DENND1C: variants seen among roughly 807,000 people sequenced by gnomAD.
DENND1C encodes DENN domain containing 1C.
In DENND1C, 64 loss-of-function variants were observed where a neutral mutation model predicts 87.9. That is an observed-to-expected ratio of 0.73 (90% confidence interval 0.60 to 0.90). The LOEUF (loss-of-function observed/expected upper bound fraction) is 0.90, where lower values mean the gene tolerates loss of function less well. DENND1C is among the 40% of genes least tolerant of loss of function. The pLI, the probability that DENND1C is intolerant of heterozygous loss-of-function variation, is 0.00. For synonymous variants in DENND1C, 384 were observed against 424.4 expected, an observed-to-expected ratio of 0.90 and a Z score of 1.17; for missense variants, 980 against 1,037.0, an observed-to-expected ratio of 0.95 and a Z score of 0.76.
chr19:6,476,799 G>GC lies in DENND1C; in HGVS notation c.678+57dup, dbSNP rs533758446. 3.4e-4 allele frequency: 525 copies of GC among 1,530,206 alleles called. 10 individuals carry two copies. The East Asian group carries it at 8.1e-3, about 24-fold the overall frequency. The allele number at this position is 1,530,206 out of a possible 1,614,324, so 94.8% of individuals were successfully genotyped here. A position where few individuals can be genotyped will look rare whatever the true frequency, so the allele number is the denominator to read the frequency against. On this transcript the variant is annotated intron_variant, in intron 10 of 22. Transcript: ENST00000381480. ...AGCCAGGAATCAGCCCCCTTGTCCC[G>GC]CCCCCCGGGGCGGAGCCAGGCCCTG... is the stretch of plus-strand genomic sequence containing the variant.
At position 6,468,586 on chromosome 19, in the gene DENND1C, TG is replaced by T. The variant is rs1344292198; in HGVS notation, c.1574del (p.Pro525GlnfsTer8). The T allele has an allele frequency of 3.3e-6, 5 of 1,533,860 alleles. No individual in the cohort carries two copies. The highest frequency in any genetic ancestry group is 2.1e-5 in the Admixed American group (1 of 47,488). On this transcript the variant is annotated frameshift_variant, in exon 21 of 23. Coordinates refer to ENST00000381480, the MANE Select transcript of DENND1C (RefSeq NM_024898.4). LOFTEE classifies it high-confidence loss of function. ...TTCCCTTTTTGCCTTACCCCGCCCC[TG>T]GGGGCTCGGAAGTTCCCTCTTCCAG... ...RQLEEGTSEP[P>X]GAGTPPLSPE...
rs1568391840 is a variant in DENND1C, at chr19:6,468,221, G to A, written c.1791+13C>T. 1 of 1,613,026 alleles carries A rather than the reference G, an allele frequency of 6.2e-7. No homozygotes were observed. Among genetic ancestry groups the A allele is most frequent in the Non-Finnish European group, 8.5e-7 (1 of 1,179,450 alleles). On this transcript the variant is annotated intron_variant, in intron 22 of 22. Transcript: ENST00000381480. Reference sequence around the variant, plus strand: ...ACTTGGGGTAGGGTTGGGGGAGTGGGCGAGGCTCTCACCAGGCTGAAGCAG... The same window carrying A: ...ACTTGGGGTAGGGTTGGGGGAGTGGACGAGGCTCTCACCAGGCTGAAGCAG...
chr19:6,474,199 GAAAAAAA>G (rs74173088), intron 14 of DENND1C, among the ~76,000 whole-genome samples: 1 of 140,484 alleles, frequency 7.1e-6, no homozygotes, highest in South Asian at 2.3e-4. Flanking sequence ...TGTCTCAAGA[GAAAAAAA>G]AAAAAAAAAG....
intron 17 of DENND1C, among the ~76,000 whole-genome samples, chr19:6,470,907 C>T (rs1365961204): frequency 6.6e-6 from 1 of 152,026 alleles, no homozygotes; most frequent in African/African-American, 2.4e-5. Flanking sequence ...ATTCGCCTGC[C>T]TCAGCCTCCC....
At chr19:6,479,124 A>G (rs552248441) in intron 4 of DENND1C, 68 bp from the exon 5 acceptor site, 17 of 1,599,852 alleles carry the variant, frequency 1.1e-5, no homozygotes, top group East Asian at 2.2e-5. Flanking sequence ...CCGCTCCCCA[A>G]CAAAGCTCCT....
In DENND1C at chr19:6,471,270, G is replaced by C. The variant is rs139694124; in HGVS notation, c.1285C>G (p.Leu429Val). 1.3e-6 allele frequency: 2 copies of C among 1,590,314 alleles called. No homozygotes were observed. Among genetic ancestry groups the C allele is most frequent in the Non-Finnish European group, 1.7e-6 (2 of 1,168,124 alleles). The change falls in exon 17 of 23, where the codon CTA becomes GTA. Residue 429 changes from leucine to valine, a missense_variant. Leu to Val is a conservative substitution (Grantham distance 32, BLOSUM62 1). Transcript: ENST00000381480. ...TATTGTTCTGGTGGTCTTACCTTTA[G>C]ATTGTCGGCCCAGAGCTGATAGGAT... Reference protein sequence around the residue: ...LRSYQLWADNLKKGGGALLHS... With the variant: ...LRSYQLWADNVKKGGGALLHS...
intron 17 of DENND1C, among the ~76,000 whole-genome samples, chr19:6,470,624 T>G (rs573325569): frequency 6.9e-6 from 1 of 145,622 alleles, no homozygotes; most frequent in African/African-American, 2.5e-5. Flanking sequence ...TTTTTTGTTT[T>G]TTTTTTTTTT....
At chr19:6,472,540 G>A (rs540389764) in intron 15 of DENND1C, among the ~76,000 whole-genome samples, 8 of 152,244 alleles carry the variant, frequency 5.3e-5, no homozygotes, top group African/African-American at 1.7e-4. Context: ...ATAGGCGCAC[G>A]CCACCACGCC....
intron 1 of DENND1C, among the ~76,000 whole-genome samples, chr19:6,481,463 T>G (rs1488795438): frequency 2.0e-5 from 3 of 147,972 alleles, no homozygotes; most frequent in Non-Finnish European, 3.0e-5. Context: ...AGGAGCTGGA[T>G]AGAGAGAGAG....
rs753588743 is a variant in DENND1C at position 6,475,065 on chromosome 19, C to CA, written c.1053+208dup. Among the ~76,000 whole-genome samples, 35 of 149,106 alleles carry CA rather than the reference C, an allele frequency of 2.3e-4. No individual in the cohort carries two copies. In the South Asian group the frequency reaches 4.7e-3, roughly 20 times the overall value. Reference sequence around the variant, plus strand: ...ACAAACAAACAAACAAACAAACAAACAACAACAACAACAAACGGGAGGGGT... The same window carrying CA: ...ACAAACAAACAAACAAACAAACAAACAAACAACAACAACAAACGGGAGGGGT... On this transcript the variant is annotated intron_variant, in intron 14 of 22. Transcript: ENST00000381480.
intron 6 of DENND1C, 92 bp downstream of exon 6, chr19:6,478,691 C>T: frequency 7.0e-7 from 1 of 1,434,576 alleles, no homozygotes; most frequent in Non-Finnish European, 9.6e-7. Flanking sequence ...GTGTGCCCTG[C>T]CAAGCCTGGG....
chr19:6,473,494 A>C (rs1599382902), intron 14 of DENND1C, among the ~76,000 whole-genome samples: 1 of 128,148 alleles, frequency 7.8e-6, no homozygotes, highest in Non-Finnish European at 1.6e-5. Context: ...TTTTTGAGTC[A>C]GGGTCTCACT....
chr19:6,473,020 TC>T (rs2092837975), intron 14 of DENND1C, 27 bp from the exon 15 acceptor site: 1 of 1,449,296 alleles, frequency 6.9e-7, no homozygotes, highest in Non-Finnish European at 9.2e-7. Flanking sequence ...AGTTCTGAGC[TC>T]CCTGGGGTGC....
chr19:6,471,553 T>C, intron 15 of DENND1C, 57 bp from the exon 16 acceptor site: 1 of 1,449,940 alleles, frequency 6.9e-7, no homozygotes. Flanking sequence ...ATGCCAGCAC[T>C]TCGAAGCCTG....
chr19:6,467,659 G>A lies in DENND1C; in HGVS notation c.2251C>T (p.Pro751Ser), dbSNP rs760319460. Residue 751 changes from proline (P) to serine (S), a missense_variant, in exon 23 of 23, where the codon CCT becomes TCT. Transcript: ENST00000381480. ...PSSLEDPRARPPKALLAERAH... is the reference protein window; with the variant it reads ...PSSLEDPRARSPKALLAERAH... The stretch of plus-strand genomic sequence containing the variant: ...CGCTCTGCCAGCAGGGCTTTGGGAG[G>A]CCGGGCTCTGGGGTCCTCCAGAGAA... 2.0e-5 allele frequency: 31 copies of A among 1,533,558 alleles called. No individual in the cohort carries two copies. Among genetic ancestry groups the A allele is most frequent in the Admixed American group, 4.3e-5 (2 of 46,296 alleles). The allele number at this position is 1,533,558 out of a possible 1,614,324, so 95.0% of individuals were successfully genotyped here.
At chr19:6,477,628 T>TAATAATAATAATAATAAG in intron 6 of DENND1C, 170 bp from the exon 7 acceptor site, 1 of 224,540 alleles carries the variant, frequency 4.5e-6, no homozygotes, top group Non-Finnish European at 8.4e-6. Flanking sequence ...ATAATAATAA[T>TAATAATAATAATAATAAG]AATAGAGACA....
intron 2 of DENND1C, 30 bp downstream of exon 2, chr19:6,479,957 C>G: frequency 6.3e-7 from 1 of 1,599,140 alleles, no homozygotes; most frequent in South Asian, 1.1e-5. Context: ...CCTCCCCTCC[C>G]ACTCCCTCAC....
intron 6 of DENND1C, 41 bp from the exon 7 acceptor site, chr19:6,477,499 G>T: frequency 6.3e-7 from 1 of 1,586,934 alleles, no homozygotes; most frequent in Non-Finnish European, 8.6e-7. Flanking sequence ...TGAGCCAGAT[G>T]TGGGGATTGG....
chr19:6,477,807 T>A (rs1173322802), intron 6 of DENND1C, among the ~76,000 whole-genome samples: 1 of 147,752 alleles, frequency 6.8e-6, no homozygotes, highest in Non-Finnish European at 1.5e-5. Context: ...CTCGCGCCTG[T>A]AATCCCAACC....
Sources: gnomAD v4.1 joint callset for allele counts (sites outside exome capture counted in the v4.1 genomes callset) on GRCh38, gnomAD v4.1.1 for gene constraint, MANE v1.5 for transcripts, NCBI Gene and HGNC (gene_info 2026-07-23, HGNC 2026-07-21) for gene names.